MMP16: variants seen among roughly 807,000 people sequenced by gnomAD.
MMP16 encodes the protein matrix metalloproteinase-16.
Under a neutral mutation model 67.8 loss-of-function variants are expected in MMP16, and 12 were observed. That is an observed-to-expected ratio of 0.18 (90% CI 0.11 to 0.29). The LOEUF (loss-of-function observed/expected upper bound fraction) is 0.29. Among genes scored for constraint, MMP16 ranks in the 10% least tolerant of loss-of-function variants. The pLI is 1.00. For missense variants in MMP16, 475 were observed against 765.7 expected, an observed-to-expected ratio of 0.62 and a Z score of 4.48; for synonymous variants, 249 against 255.9, an observed-to-expected ratio of 0.97 and a Z score of 0.26.
chr8:88,159,708 C>T (rs574206910), intron 4 of MMP16, among the ~76,000 whole-genome samples: 3 of 152,162 alleles, frequency 2.0e-5, no homozygotes, highest in African/African-American at 2.4e-5. Context: ...CTGTCTTGTG[C>T]CAGTTTTCAA....
intron 1 of MMP16, among the ~76,000 whole-genome samples, chr8:88,204,694 A>G (rs1586203753): frequency 6.6e-6 from 1 of 152,206 alleles, no homozygotes. Context: ...TTAAAAATTA[A>G]GATGTACAAT....
rs536232303 is a variant in MMP16 at position 88,158,119 on chromosome 8, C to A, written c.709+9550G>T. 4.6e-5 allele frequency among the ~76,000 whole-genome samples: 7 copies of A among 152,032 alleles called. No individual in the cohort carries two copies. In the South Asian group the frequency reaches 8.3e-4, roughly 18 times the overall value. The stretch of plus-strand genomic sequence containing the variant: ...CAAGTCTTTGCTATTGTGAATAGTG[C>A]CACAATAAACATACGTGTGCATGTG... On this transcript the variant is annotated intron_variant, in intron 4 of 9. Transcript: ENST00000286614.
In MMP16 at chr8:88,237,715, A is replaced by G. The variant is rs1339631320; in HGVS notation, c.133-40409T>C. ...ACTGCATCTTGGGTATGGCACGTAC[A>G]CGAAGCAAAGTATTTGTGAAAGAGG... On this transcript the variant is annotated intron_variant, in intron 1 of 9. Transcript: ENST00000286614. Among the ~76,000 whole-genome samples, 3 of 152,176 alleles carry G rather than the reference A, an allele frequency of 2.0e-5. No homozygotes were observed. In the East Asian group the frequency reaches 5.8e-4, roughly 29 times the overall value.
At chr8:88,064,886 T>C (rs1183801231) in intron 7 of MMP16, among the ~76,000 whole-genome samples, 1 of 152,136 alleles carries the variant, frequency 6.6e-6, no homozygotes, top group Non-Finnish European at 1.5e-5. Flanking sequence ...TGAATGCTTG[T>C]GCAAGTGTGG....
At chr8:88,182,257 G>C (rs1327940674) in intron 3 of MMP16, among the ~76,000 whole-genome samples, 1 of 151,984 alleles carries the variant, frequency 6.6e-6, no homozygotes, top group African/African-American at 2.4e-5. Flanking sequence ...CAGAACTGAT[G>C]AAAGACTAAT....
intron 1 of MMP16, among the ~76,000 whole-genome samples, chr8:88,226,263 C>G (rs1043540895): frequency 6.6e-6 from 1 of 151,960 alleles, no homozygotes; most frequent in African/African-American, 2.4e-5. Context: ...CTCCTAGATT[C>G]TGACTGTAAG....
chr8:88,108,020 T>C (rs1809271743), intron 6 of MMP16, among the ~76,000 whole-genome samples: 1 of 151,106 alleles, frequency 6.6e-6, no homozygotes, highest in Non-Finnish European at 1.5e-5. Flanking sequence ...ATTATTCCAA[T>C]ATATGTGGGT....
chr8:88,159,297 G>A (rs199538828), intron 4 of MMP16, among the ~76,000 whole-genome samples: 1 of 151,986 alleles, frequency 6.6e-6, no homozygotes, highest in Non-Finnish European at 1.5e-5. Flanking sequence ...CCTATCCATG[G>A]GCATGGAAAG....
chr8:88,299,168 A>G (rs577458929), intron 1 of MMP16, among the ~76,000 whole-genome samples: 1 of 152,218 alleles, frequency 6.6e-6, no homozygotes, highest in Non-Finnish European at 1.5e-5. Context: ...CGACACATGC[A>G]TCTGTTCCCA....
In MMP16 at chr8:88,228,928, A is replaced by T. The variant is rs550839557; in HGVS notation, c.133-31622T>A. Among the ~76,000 whole-genome samples the T allele has an allele frequency of 3.3e-5, 5 of 152,110 alleles. No homozygotes were observed. The South Asian group carries it at 1.0e-3, about 32-fold the overall frequency. On this transcript the variant is annotated intron_variant, in intron 1 of 9. Coordinates refer to ENST00000286614, the MANE Select transcript of MMP16 (RefSeq NM_005941.5). ...GTAACCTCAGCACTTTGGGAAGCCAAGATGAGATGATCACTTGAGCCCAGG... is the reference window on the plus strand; with the variant it reads ...GTAACCTCAGCACTTTGGGAAGCCATGATGAGATGATCACTTGAGCCCAGG...
intron 6 of MMP16, among the ~76,000 whole-genome samples, chr8:88,113,418 G>C (rs1156329917): frequency 6.6e-6 from 1 of 151,668 alleles, no homozygotes; most frequent in Non-Finnish European, 1.5e-5. Flanking sequence ...AAATTGTGTA[G>C]AGTTTGTAAT....
intron 1 of MMP16, among the ~76,000 whole-genome samples, chr8:88,238,728 T>C (rs1370656277): frequency 6.6e-6 from 1 of 150,912 alleles, no homozygotes; most frequent in Non-Finnish European, 1.5e-5. Context: ...GCCTTTTTTA[T>C]ACTGCATATG....
chr8:88,198,220 T>C (rs1000361956), intron 1 of MMP16, among the ~76,000 whole-genome samples: 1 of 152,150 alleles, frequency 6.6e-6, no homozygotes, highest in Non-Finnish European at 1.5e-5. Context: ...GTTTTACAAC[T>C]CTATGGATTC....
At chr8:88,168,292 G>A (rs1232276502) in intron 3 of MMP16, among the ~76,000 whole-genome samples, 1 of 152,034 alleles carries the variant, frequency 6.6e-6, no homozygotes, top group Non-Finnish European at 1.5e-5. Flanking sequence ...GACCAAAGAG[G>A]CAAAACAGTT....
At chr8:88,103,609 T>C (rs1275667373) in intron 6 of MMP16, among the ~76,000 whole-genome samples, 2 of 151,816 alleles carry the variant, frequency 1.3e-5, no homozygotes, top group Non-Finnish European at 2.9e-5. Context: ...CTGAATTTCC[T>C]TGAGATCTGT....
At chr8:88,186,345 A>AGTCTCTT in intron 3 of MMP16, 131 bp downstream of exon 3, 1 of 1,198,842 alleles carries the variant, frequency 8.3e-7, no homozygotes. Context: ...AGCAATTTTA[A>AGTCTCTT]ATCTCTTATG....
intron 1 of MMP16, among the ~76,000 whole-genome samples, chr8:88,218,899 T>A (rs1809635566): frequency 6.6e-6 from 1 of 152,008 alleles, no homozygotes; most frequent in Non-Finnish European, 1.5e-5. Flanking sequence ...ATTGGCTAAG[T>A]TTAAAAATAG....
intron 1 of MMP16, among the ~76,000 whole-genome samples, chr8:88,249,717 G>T (rs1434167199): frequency 2.0e-5 from 3 of 151,992 alleles, no homozygotes; most frequent in Non-Finnish European, 4.4e-5. Flanking sequence ...TAGGGAGAAG[G>T]CAGGCAAGAC....
At chr8:88,188,678 G>A (rs1009549937) in intron 2 of MMP16, among the ~76,000 whole-genome samples, 13 of 146,138 alleles carry the variant, frequency 8.9e-5, no homozygotes, top group African/African-American at 3.0e-4. Context: ...TTTTGAGTCC[G>A]AGTTTTGATC....
Sources: gnomAD v4.1 joint callset for allele counts (sites outside exome capture counted in the v4.1 genomes callset) on GRCh38, gnomAD v4.1.1 for gene constraint, MANE v1.5 for transcripts, NCBI Gene and HGNC (gene_info 2026-07-23, HGNC 2026-07-21) for gene names.